The following GRIN2B variants were observed in gnomAD, a reference collection of about 807,000 sequenced individuals.
GRIN2B encodes glutamate receptor ionotropic, NMDA 2B.
In GRIN2B, 5 loss-of-function variants were observed where a neutral mutation model predicts 114.5. The ratio of observed to expected loss-of-function variants is 0.04; its 90% confidence interval spans 0.02 to 0.09. The LOEUF is 0.09. GRIN2B is among the 10% of genes least tolerant of loss of function. GRIN2B has a pLI of 1.00. For missense variants in GRIN2B, 1,108 were observed against 1,943.5 expected, an observed-to-expected ratio of 0.57 and a Z score of 8.08; for synonymous variants, 787 against 745.1, an observed-to-expected ratio of 1.06 and a Z score of -0.92.
intron 2 of GRIN2B, among the ~76,000 whole-genome samples, chr12:13,960,513 C>T (rs1403657625): frequency 6.6e-6 from 1 of 151,900 alleles, no homozygotes; most frequent in Non-Finnish European, 1.5e-5. Context: ...TTGAAGACAC[C>T]ACAGGGGGAC....
chr12:13,964,628 C>T lies in GRIN2B; in HGVS notation c.-19+15300G>A, dbSNP rs1480752198. ...GGGATGCTAAGTCCCCTAATAAATA[C>T]TTCATGTGGAATTTGAGGCATTGGC... On this transcript the variant is annotated intron_variant, in intron 2 of 13. Transcript: ENST00000609686. Among the ~76,000 whole-genome samples, 4 of 152,194 alleles carry T rather than the reference C, an allele frequency of 2.6e-5. No homozygotes were observed. In the East Asian group the frequency reaches 7.7e-4, roughly 29 times the overall value.
At chr12:13,697,369 T>C (rs1950270647) in intron 4 of GRIN2B, among the ~76,000 whole-genome samples, 1 of 152,180 alleles carries the variant, frequency 6.6e-6, no homozygotes, top group Non-Finnish European at 1.5e-5. Context: ...TCACAGATGG[T>C]GCAACTAACA....
At chr12:13,864,985 G>T (rs1865804589) in intron 3 of GRIN2B, among the ~76,000 whole-genome samples, 1 of 152,160 alleles carries the variant, frequency 6.6e-6, no homozygotes, top group African/African-American at 2.4e-5. Context: ...GTTGCTACAG[G>T]TTCCACGGAT....
chr12:13,667,230 A>T (rs758931074), intron 5 of GRIN2B, among the ~76,000 whole-genome samples: 1 of 152,202 alleles, frequency 6.6e-6, no homozygotes, highest in Non-Finnish European at 1.5e-5. Context: ...ACCAAAGATA[A>T]GAAATACATA....
chr12:13,743,013 G>T (rs944302773), intron 4 of GRIN2B, among the ~76,000 whole-genome samples: 1 of 152,124 alleles, frequency 6.6e-6, no homozygotes, highest in Non-Finnish European at 1.5e-5. Context: ...AAGCTAGCAG[G>T]CATCTGAGTC....
intron 3 of GRIN2B, among the ~76,000 whole-genome samples, chr12:13,826,729 C>T (rs1352049913): frequency 6.6e-6 from 1 of 151,884 alleles, no homozygotes; most frequent in Non-Finnish European, 1.5e-5. Context: ...TAGTTTTTTG[C>T]TTTACATGGC....
At chr12:13,577,531 T>G (rs1372885402) in intron 10 of GRIN2B, among the ~76,000 whole-genome samples, 1 of 152,120 alleles carries the variant, frequency 6.6e-6, no homozygotes, top group Non-Finnish European at 1.5e-5. Context: ...CTAGAGAGCT[T>G]CTTATACAGC....
chr12:13,706,632 A>G (rs990522613), intron 4 of GRIN2B, among the ~76,000 whole-genome samples: 1 of 151,950 alleles, frequency 6.6e-6, no homozygotes, highest in Non-Finnish European at 1.5e-5. Flanking sequence ...CAACCTCCCC[A>G]TGTCTGACCA....
Position 13,559,315 on chromosome 12 carries a change from A to G in GRIN2B, c.*3468T>C, listed in dbSNP as rs1265747685. ...TAAAATTGTCCAGCTAACAGCTTTT[A>G]TGATGGGAGGATAGGAAAAAATGTA... On this transcript the variant is annotated 3_prime_UTR_variant, in exon 14 of 14. Transcript: ENST00000609686. 1 of 152,244 alleles carries G rather than the reference A, an allele frequency of 6.6e-6. No individual in the cohort carries two copies. Among genetic ancestry groups the G allele is most frequent in the Non-Finnish European group, 1.5e-5 (1 of 68,036 alleles). 9.4% of individuals were successfully genotyped at this position (152,244 alleles called of 1,614,324 possible).
At chr12:13,961,787 A>T (rs1405919259) in intron 2 of GRIN2B, among the ~76,000 whole-genome samples, 1 of 152,148 alleles carries the variant, frequency 6.6e-6, no homozygotes, top group African/African-American at 2.4e-5. Flanking sequence ...AATGGCAGAC[A>T]AGAATCACTG....
chr12:13,656,497 G>A (rs1244336914), intron 5 of GRIN2B, among the ~76,000 whole-genome samples: 1 of 152,206 alleles, frequency 6.6e-6, no homozygotes, highest in Middle Eastern at 3.2e-3. Flanking sequence ...AAAGCAAAGA[G>A]AGTCAAAGGT....
chr12:13,813,658 T>A (rs1474617750), intron 3 of GRIN2B, among the ~76,000 whole-genome samples: 3 of 152,220 alleles, frequency 2.0e-5, no homozygotes, highest in African/African-American at 7.2e-5. Flanking sequence ...TGAAGGCGCT[T>A]GCCAGAGGTC....
intron 5 of GRIN2B, among the ~76,000 whole-genome samples, chr12:13,661,383 C>T (rs1949922468): frequency 6.6e-6 from 1 of 152,170 alleles, no homozygotes; most frequent in Non-Finnish European, 1.5e-5. Context: ...TGCCTTTTGC[C>T]TTCTACACTT....
At chr12:13,921,965 C>T (rs888583782) in intron 2 of GRIN2B, among the ~76,000 whole-genome samples, 1 of 152,070 alleles carries the variant, frequency 6.6e-6, no homozygotes, top group Admixed American at 6.6e-5. Context: ...CAACCTTGAC[C>T]AAGTTATTTT....
At chr12:13,907,889 T>C (rs984688766) in intron 2 of GRIN2B, among the ~76,000 whole-genome samples, 4 of 152,210 alleles carry the variant, frequency 2.6e-5, no homozygotes, top group African/African-American at 9.7e-5. Flanking sequence ...TTCATCTTTT[T>C]CTTTAAAAGA....
rs56338551 is a variant in GRIN2B, at chr12:13,812,339, G to A, written c.411+53459C>T. On this transcript the variant is annotated intron_variant, in intron 3 of 13. Coordinates refer to ENST00000609686, the MANE Select transcript of GRIN2B (RefSeq NM_000834.5). ...AAATAACTTCTGGGTTTACAGGCAT[G>A]AGCCACCACACCCAGCCCTGAAATA... Among the ~76,000 whole-genome samples, 1,187 of 152,230 alleles carry A rather than the reference G, an allele frequency of 7.8e-3. 22 individuals carry two copies. The highest frequency in any genetic ancestry group is 0.027 in the African/African-American group (1,107 of 41,544).
At position 13,561,309 on chromosome 12, in the gene GRIN2B, G is replaced by T; in HGVS notation, c.*1474C>A. The T allele has an allele frequency of 6.6e-6, 1 of 152,264 alleles. No individual in the cohort carries two copies. The highest frequency in any genetic ancestry group is 1.5e-5 in the Non-Finnish European group (1 of 68,082). The allele number at this position is 152,264 out of a possible 1,614,324, so 9.4% of individuals were successfully genotyped here. ...TGGGCTCAAGTCACATTCCCAGGGA[G>T]CCAGGCCCAAAGAGGTGGTGGAGGG... On this transcript the variant is annotated 3_prime_UTR_variant, in exon 14 of 14. Coordinates refer to ENST00000609686, the MANE Select transcript of GRIN2B (RefSeq NM_000834.5).
chr12:13,677,359 T>A (rs1383732830), intron 4 of GRIN2B, among the ~76,000 whole-genome samples: 1 of 152,162 alleles, frequency 6.6e-6, no homozygotes, highest in African/African-American at 2.4e-5. Flanking sequence ...AACAACCAGG[T>A]TGCTAGGATG....
intron 2 of GRIN2B, among the ~76,000 whole-genome samples, chr12:13,926,296 G>A (rs1297066769): frequency 2.6e-5 from 4 of 152,104 alleles, no homozygotes; most frequent in South Asian, 2.1e-4. Context: ...TCCCCCGTTC[G>A]TCACTTCCAG....
Sources: gnomAD v4.1 joint callset for allele counts (sites outside exome capture counted in the v4.1 genomes callset) on GRCh38, gnomAD v4.1.1 for gene constraint, MANE v1.5 for transcripts, NCBI Gene and HGNC (gene_info 2026-07-23, HGNC 2026-07-21) for gene names.